Variants in BFSP1 observed in about 807,000 individuals in gnomAD.
The protein encoded by BFSP1 is beaded filament structural protein 1.
BFSP1 carries 38 observed loss-of-function variants against 43.9 expected under a neutral mutation model. That is an observed-to-expected ratio of 0.87 (90% confidence interval 0.67 to 1.14). The LOEUF is 1.14. BFSP1 is among the 50% of genes most tolerant of loss of function. The pLI, the probability that BFSP1 is intolerant of heterozygous loss-of-function variation, is 0.00. For missense variants in BFSP1, 850 were observed against 875.1 expected, an observed-to-expected ratio of 0.97 and a Z score of 0.36; for synonymous variants, 352 against 354.8, an observed-to-expected ratio of 0.99 and a Z score of 0.09.
Position 17,542,427 on chromosome 20 carries a change from C to CAA in BFSP1, c.2+16259_2+16260dup, listed in dbSNP as rs3076281. Among the ~76,000 whole-genome samples the CAA allele has an allele frequency of 1.4e-3, 158 of 114,834 alleles. 1 individual carries two copies. Among genetic ancestry groups the CAA allele is most frequent in the African/African-American group, 4.7e-3 (141 of 29,918 alleles). The allele number at this position is 114,834 out of a possible 152,430, so 75.3% of individuals were successfully genotyped here. ...CAACATACAGAGACCTCATCTCTAC[C>CAA]AAAAAAAAAAAAAAAAAAAAAATTC... On this transcript the variant is annotated intron_variant, in intron 1 of 7. Coordinates refer to the BFSP1 transcript ENST00000377868.
At chr20:17,548,848 C>A (rs1485812075) in intron 1 of BFSP1, among the ~76,000 whole-genome samples, 2 of 152,070 alleles carry the variant, frequency 1.3e-5, no homozygotes, top group Non-Finnish European at 2.9e-5. Context: ...TGCTCTGTCA[C>A]CCAGGCTGGA....
At chr20:17,504,037 G>A (rs547231072) in intron 5 of BFSP1, among the ~76,000 whole-genome samples, 1 of 152,296 alleles carries the variant, frequency 6.6e-6, no homozygotes, top group South Asian at 2.1e-4. Context: ...TAGTGGTAGG[G>A]GGTGGAGGGA....
intron 1 of BFSP1, among the ~76,000 whole-genome samples, chr20:17,553,884 TA>T (rs1389401740): frequency 6.7e-4 from 86 of 129,104 alleles, no homozygotes; most frequent in Admixed American, 3.0e-3. Flanking sequence ...TATATATATA[TA>T]CACACATATA....
At chr20:17,511,237 A>G (rs1559958) in intron 4 of BFSP1, among the ~76,000 whole-genome samples, 30,762 of 152,136 alleles carry the variant, frequency 0.2, 3,219 homozygotes, top group Middle Eastern at 0.25. Flanking sequence ...ACATAATATC[A>G]GAAGTAATTT....
intron 1 of BFSP1, among the ~76,000 whole-genome samples, chr20:17,567,926 G>A (rs2035140117): frequency 6.6e-6 from 1 of 151,070 alleles, no homozygotes; most frequent in Non-Finnish European, 1.5e-5. Context: ...CTAGGGGGGT[G>A]AAGGAGTTGT....
intron 2 of BFSP1, chr20:17,516,998 T>TGA (rs1380082295): frequency 1.0e-5 from 8 of 765,474 alleles, no homozygotes; most frequent in Non-Finnish European, 1.4e-5. Flanking sequence ...AACTGGAGGA[T>TGA]GGATGTGCTT....
intron 1 of BFSP1, among the ~76,000 whole-genome samples, chr20:17,557,337 C>A (rs566374198): frequency 5.9e-5 from 9 of 152,312 alleles, no homozygotes; most frequent in African/African-American, 1.9e-4. Flanking sequence ...TTGAATACAG[C>A]GCCTCATTGC....
At chr20:17,562,632 T>G (rs1280227259), upstream of BFSP1, among the ~76,000 whole-genome samples, 1 of 151,970 alleles carries the variant, frequency 6.6e-6, no homozygotes, top group Non-Finnish European at 1.5e-5. Flanking sequence ...TGTACTCCAT[T>G]TTCTCACTGT....
At chr20:17,538,116 G>A (rs1050500570) in intron 1 of BFSP1, among the ~76,000 whole-genome samples, 1 of 149,682 alleles carries the variant, frequency 6.7e-6, no homozygotes, top group African/African-American at 2.5e-5. Context: ...AGGACACTGT[G>A]TCTCAAAAGA....
chr20:17,534,871 T>C (rs1438674226), upstream of BFSP1, among the ~76,000 whole-genome samples: 1 of 151,416 alleles, frequency 6.6e-6, no homozygotes, highest in Non-Finnish European at 1.5e-5. Flanking sequence ...ATACAAAAAA[T>C]TAGCCGGACG....
At chr20:17,537,568 C>CAAA (rs901895418) in intron 1 of BFSP1, among the ~76,000 whole-genome samples, 974 of 63,326 alleles carry the variant, frequency 0.015, 4 homozygotes, top group East Asian at 0.027. Flanking sequence ...ACTGAAGCAC[C>CAAA]AAAAAAAAAA....
intron 1 of BFSP1, among the ~76,000 whole-genome samples, chr20:17,539,003 C>T (rs1253926860): frequency 6.6e-6 from 1 of 151,932 alleles, no homozygotes; most frequent in Non-Finnish European, 1.5e-5. Flanking sequence ...CTGGCATGCC[C>T]ACTCTGTCCT....
chr20:17,497,091 T>C (rs2033652869), intron 6 of BFSP1, 68 bp from the exon 7 acceptor site: 2 of 1,269,988 alleles, frequency 1.6e-6, no homozygotes, highest in Non-Finnish European at 2.1e-6. Context: ...TCGTTAATGT[T>C]GAGCAAAAAT....
intron 5 of BFSP1, among the ~76,000 whole-genome samples, chr20:17,500,983 GTC>G (rs1296346136): frequency 6.6e-6 from 1 of 152,180 alleles, no homozygotes; most frequent in African/African-American, 2.4e-5. Context: ...GGTGTTAAGA[GTC>G]TGACTCAGCA....
At position 17,512,764 on chromosome 20, in the gene BFSP1, T is replaced by C. The variant is rs79342281; in HGVS notation, c.535-696A>G. On this transcript the variant is annotated intron_variant, in intron 3 of 7. Transcript: ENST00000377873. Reference sequence around the variant, plus strand: ...GGCCCTGGAGGGCACAAAGGACCCTTTCCAACACCAGCAGTGTTTCAAAGA... The same window carrying C: ...GGCCCTGGAGGGCACAAAGGACCCTCTCCAACACCAGCAGTGTTTCAAAGA... Among the ~76,000 whole-genome samples the C allele has an allele frequency of 8.0e-3, 1,213 of 152,248 alleles. 16 individuals carry two copies. Among genetic ancestry groups the C allele is most frequent in the African/African-American group, 0.028 (1,156 of 41,542 alleles).
intron 1 of BFSP1, among the ~76,000 whole-genome samples, chr20:17,537,099 G>A (rs6080733): frequency 6.6e-6 from 1 of 152,116 alleles, no homozygotes; most frequent in Non-Finnish European, 1.5e-5. Flanking sequence ...CCTTTACCCA[G>A]AACATGCAAA....
intron 1 of BFSP1, among the ~76,000 whole-genome samples, chr20:17,549,085 A>G (rs1025867146): frequency 6.6e-6 from 1 of 152,204 alleles, no homozygotes; most frequent in East Asian, 1.9e-4. Context: ...TGTTGGGATT[A>G]TAGGTGTGAG....
chr20:17,538,859 T>C (rs2123555581), intron 1 of BFSP1, among the ~76,000 whole-genome samples: 2 of 152,200 alleles, frequency 1.3e-5, no homozygotes, highest in Admixed American at 1.3e-4. Context: ...GCCCTATATT[T>C]CTCTCTAAGA....
intron 1 of BFSP1, among the ~76,000 whole-genome samples, chr20:17,526,144 G>GC (rs1304290055): frequency 2.2e-5 from 1 of 45,052 alleles, no homozygotes; most frequent in Non-Finnish European, 5.2e-5. Context: ...TGTATGGCGG[G>GC]GGGGGGGGGG....
Sources: allele counts gnomAD v4.1 joint callset (sites outside exome capture counted in the v4.1 genomes callset), GRCh38; gene constraint gnomAD v4.1.1; transcripts MANE v1.5; gene names NCBI Gene and HGNC (gene_info 2026-07-23, HGNC 2026-07-21).